Variants in LRMDA observed in about 807,000 individuals in gnomAD.
The protein encoded by LRMDA is leucine-rich melanocyte differentiation-associated protein.
A neutral mutation model predicts 29.8 loss-of-function variants in LRMDA; 18 were observed. The observed-to-expected ratio is 0.60, with a 90% CI of 0.42 to 0.90. LRMDA has a LOEUF of 0.90. LRMDA is among the 40% of genes least tolerant of loss of function. The pLI, the probability that LRMDA is intolerant of heterozygous loss-of-function variation, is 0.00. For synonymous variants in LRMDA, 125 were observed against 109.4 expected (o/e 1.14, Z -0.89); for missense variants, 273 against 273.9 (o/e 1.00, Z 0.02).
At chr10:75,442,943 A>G (rs1844345915) in intron 2 of LRMDA, among the ~76,000 whole-genome samples, 1 of 152,066 alleles carries the variant, frequency 6.6e-6, no homozygotes, top group Non-Finnish European at 1.5e-5. Context: ...TTATAGGAAT[A>G]AATTTTATTC....
chr10:75,923,323 G>C (rs1409039226), intron 2 of LRMDA, among the ~76,000 whole-genome samples: 1 of 152,194 alleles, frequency 6.6e-6, no homozygotes, highest in African/African-American at 2.4e-5. Flanking sequence ...TATAGTCAAT[G>C]AAGTCAATGG....
At chr10:75,599,876 GGAGTAGGATGTAGAAAT>G (rs1257201324) in intron 2 of LRMDA, among the ~76,000 whole-genome samples, 2 of 152,190 alleles carry the variant, frequency 1.3e-5, no homozygotes, top group African/African-American at 4.8e-5. Flanking sequence ...TTCTGAGGCT[GGAGTAGGATGTAGAAAT>G]GAGTGGTGAC....
chr10:76,232,555 G>C (rs1228441815), intron 5 of LRMDA, among the ~76,000 whole-genome samples: 2 of 152,124 alleles, frequency 1.3e-5, no homozygotes, highest in African/African-American at 4.8e-5. Context: ...TTTTCTTCTT[G>C]GTCACCGTGC....
intron 2 of LRMDA, among the ~76,000 whole-genome samples, chr10:75,627,778 T>C (rs1841270220): frequency 6.6e-6 from 1 of 152,240 alleles, no homozygotes; most frequent in South Asian, 2.1e-4. Context: ...CTGGGGAAGA[T>C]ATGAACACTA....
intron 2 of LRMDA, among the ~76,000 whole-genome samples, chr10:75,683,847 T>G (rs997878873): frequency 6.6e-6 from 1 of 152,230 alleles, no homozygotes; most frequent in Non-Finnish European, 1.5e-5. Context: ...GCATGGGGCT[T>G]AGTAAGTCTT....
At chr10:76,416,516 G>A (rs1291870450) in intron 6 of LRMDA, among the ~76,000 whole-genome samples, 1 of 152,148 alleles carries the variant, frequency 6.6e-6, no homozygotes, top group Non-Finnish European at 1.5e-5. Context: ...AGAAGATGAT[G>A]TTTGTAAAAG....
chr10:75,590,019 G>C (rs1175227563), intron 2 of LRMDA, among the ~76,000 whole-genome samples: 5 of 107,624 alleles, frequency 4.6e-5, no homozygotes, highest in African/African-American at 1.3e-4. Flanking sequence ...TGAAGATGAT[G>C]ATTTTTTTTT....
At chr10:76,029,254 A>G (rs2132499567) in intron 2 of LRMDA, among the ~76,000 whole-genome samples, 1 of 152,328 alleles carries the variant, frequency 6.6e-6, no homozygotes, top group Non-Finnish European at 1.5e-5. Flanking sequence ...TTATTGATAT[A>G]TATCCTACCT....
At chr10:75,485,210 A>G (rs1420910735) in intron 2 of LRMDA, among the ~76,000 whole-genome samples, 1 of 152,160 alleles carries the variant, frequency 6.6e-6, no homozygotes. Context: ...CAGTTTATCC[A>G]GGTTTTCAAA....
intron 6 of LRMDA, among the ~76,000 whole-genome samples, chr10:76,550,616 C>T: frequency 6.6e-6 from 1 of 152,174 alleles, no homozygotes; most frequent in Non-Finnish European, 1.5e-5. Context: ...TGAAGTCCTG[C>T]TCAGCTAGGT....
rs539479604 is a variant in LRMDA, at chr10:76,526,411, C to T, written c.602-30798C>T. ...TACTGCTCCTGGCATCATTTCCTCA[C>T]CCAAAGCAAGATGAAGAAGGATGTC... On this transcript the variant is annotated intron_variant, in intron 6 of 6. Transcript: ENST00000611255. 1.4e-4 allele frequency among the ~76,000 whole-genome samples: 21 copies of T among 152,244 alleles called. No individual in the cohort carries two copies. In the South Asian group the frequency reaches 4.1e-3, roughly 30 times the overall value.
intron 6 of LRMDA, among the ~76,000 whole-genome samples, chr10:76,550,391 T>G (rs1564574039): frequency 6.6e-6 from 1 of 152,114 alleles, no homozygotes; most frequent in Non-Finnish European, 1.5e-5. Context: ...GTGGTGTTGT[T>G]TTTGTACAGT....
intron 6 of LRMDA, among the ~76,000 whole-genome samples, chr10:76,345,362 G>A (rs1278254873): frequency 1.3e-5 from 2 of 150,462 alleles, no homozygotes; most frequent in East Asian, 1.9e-4. Context: ...GTGAGCCACC[G>A]CGCCCGGCCC....
At chr10:75,692,303 A>G (rs561809746) in intron 2 of LRMDA, among the ~76,000 whole-genome samples, 110 of 146,836 alleles carry the variant, frequency 7.5e-4, no homozygotes, top group African/African-American at 2.7e-3. Flanking sequence ...ATACACACAT[A>G]TATACATACA....
At position 75,505,656 on chromosome 10, in the gene LRMDA, A is replaced by C. The variant is rs186815742; in HGVS notation, c.131+67162A>C. Among the ~76,000 whole-genome samples, 802 of 152,108 alleles carry C rather than the reference A, an allele frequency of 5.3e-3. 2 individuals carry two copies. The highest frequency in any genetic ancestry group is 8.3e-3 in the Non-Finnish European group (562 of 67,986). The stretch of plus-strand genomic sequence containing the variant: ...TACTTGCTGCACTCATGGACCCCCC[A>C]TATTCTTCCTGCCTGGAATGCCCTT... On this transcript the variant is annotated intron_variant, in intron 2 of 6. Transcript: ENST00000611255.
intron 2 of LRMDA, among the ~76,000 whole-genome samples, chr10:75,685,584 C>T (rs1191761777): frequency 6.6e-6 from 1 of 152,162 alleles, no homozygotes; most frequent in African/African-American, 2.4e-5. Flanking sequence ...TTGTCGACTT[C>T]CAGACACTGA....
intron 6 of LRMDA, among the ~76,000 whole-genome samples, chr10:76,510,314 A>C (rs1842997670): frequency 6.6e-6 from 1 of 151,840 alleles, no homozygotes; most frequent in Admixed American, 6.6e-5. Flanking sequence ...CAGGGAATCC[A>C]CCCACCTTGG....
intron 2 of LRMDA, among the ~76,000 whole-genome samples, chr10:75,812,609 T>C (rs1287595436): frequency 1.3e-5 from 2 of 152,226 alleles, no homozygotes; most frequent in African/African-American, 4.8e-5. Context: ...TTCGTGAGTA[T>C]GGATTTATAG....
At position 76,292,401 on chromosome 10, in the gene LRMDA, C is replaced by T. The variant is rs1589414230; in HGVS notation, c.517-32000C>T. On this transcript the variant is annotated intron_variant, in intron 5 of 6. Coordinates refer to ENST00000611255, the MANE Select transcript of LRMDA (RefSeq NM_001305581.2). ...AGCCTGGACTCCACATCCTTGGGAC[C>T]CTAGTCTGCTTTTTTACCCCACCAT... Among the ~76,000 whole-genome samples the T allele has an allele frequency of 2.0e-5, 3 of 152,134 alleles. No individual in the cohort carries two copies. The South Asian group carries it at 6.2e-4, about 32-fold the overall frequency.
Sources: gnomAD v4.1 joint callset for allele counts (sites outside exome capture counted in the v4.1 genomes callset) on GRCh38, gnomAD v4.1.1 for gene constraint, MANE v1.5 for transcripts, NCBI Gene and HGNC (gene_info 2026-07-23, HGNC 2026-07-21) for gene names.